The following IL1RAPL1 variants were observed in gnomAD, a reference collection of about 807,000 sequenced individuals.
The protein encoded by IL1RAPL1 is interleukin 1 receptor accessory protein like 1.
IL1RAPL1 carries 3 observed loss-of-function variants against 48.4 expected under a neutral mutation model. That is an observed-to-expected ratio of 0.06 (90% CI 0.03 to 0.16). The LOEUF (loss-of-function observed/expected upper bound fraction) is 0.16, where lower values mean the gene tolerates loss of function less well. Among genes scored for constraint, IL1RAPL1 ranks in the 10% least tolerant of loss-of-function variants. IL1RAPL1 has a pLI of 1.00. For synonymous variants in IL1RAPL1, 185 were observed against 187.7 expected (o/e 0.99, Z 0.12); for missense variants, 349 against 530.6 (o/e 0.66, Z 3.36).
chrX:29,641,596 T>A (rs1430198334), intron 5 of IL1RAPL1, among the ~76,000 whole-genome samples: 1 of 112,173 alleles, frequency 8.9e-6, no homozygotes, highest in Non-Finnish European at 1.9e-5. Flanking sequence ...GACTTTATAA[T>A]CCTGATGTCT....
At chrX:28,767,598 T>C (rs1392144793) in intron 1 of IL1RAPL1, among the ~76,000 whole-genome samples, 2 of 111,117 alleles carry the variant, frequency 1.8e-5, no homozygotes, top group Non-Finnish European at 3.8e-5. Flanking sequence ...ATTTTACATA[T>C]ACACACACAA....
At chrX:29,843,161 G>A (rs1006257201) in intron 6 of IL1RAPL1, among the ~76,000 whole-genome samples, 3 of 111,591 alleles carry the variant, frequency 2.7e-5, no homozygotes, top group Admixed American at 1.9e-4. Context: ...TATGAGTTCC[G>A]TACATTCACT....
intron 5 of IL1RAPL1, among the ~76,000 whole-genome samples, chrX:29,664,919 A>G (rs1236741266): frequency 5.3e-5 from 6 of 112,476 alleles, no homozygotes; most frequent in African/African-American, 1.6e-4. Context: ...TCCTTCTATT[A>G]TGCAGAAGCT....
At chrX:29,414,024 A>G (rs901881825) in intron 5 of IL1RAPL1, among the ~76,000 whole-genome samples, 1 of 110,879 alleles carries the variant, frequency 9.0e-6, no homozygotes, top group African/African-American at 3.3e-5. Flanking sequence ...ATTTTTCTAT[A>G]CTTTTTTTTG....
chrX:29,670,202 G>T (rs1318807286), intron 6 of IL1RAPL1, among the ~76,000 whole-genome samples: 1 of 111,475 alleles, frequency 9.0e-6, no homozygotes, highest in Admixed American at 9.6e-5. Context: ...TTACAAAATA[G>T]AATAATTGGT....
intron 2 of IL1RAPL1, among the ~76,000 whole-genome samples, chrX:29,180,858 A>G (rs1930130084): frequency 9.0e-6 from 1 of 111,605 alleles, no homozygotes; most frequent in Non-Finnish European, 1.9e-5. Context: ...AGATTCCTGT[A>G]TCTTTATCTG....
intron 5 of IL1RAPL1, among the ~76,000 whole-genome samples, chrX:29,621,346 A>T (rs1216617554): frequency 9.0e-6 from 1 of 111,537 alleles, no homozygotes; most frequent in Non-Finnish European, 1.9e-5. Context: ...GATGCAGATG[A>T]GTATATGTAC....
chrX:29,498,561 T>A (rs2147758316), intron 5 of IL1RAPL1, among the ~76,000 whole-genome samples: 1 of 111,778 alleles, frequency 8.9e-6, no homozygotes, highest in Admixed American at 9.5e-5. Context: ...TTTTTTTTTG[T>A]TTTTTAAATT....
chrX:29,051,743 C>T (rs1927097186), intron 2 of IL1RAPL1, among the ~76,000 whole-genome samples: 1 of 112,108 alleles, frequency 8.9e-6, no homozygotes. Context: ...GGAAGTCAGA[C>T]TTCCTGCCAG....
intron 6 of IL1RAPL1, among the ~76,000 whole-genome samples, chrX:29,742,872 C>T (rs1928240431): frequency 9.0e-6 from 1 of 111,043 alleles, no homozygotes; most frequent in Non-Finnish European, 1.9e-5. Flanking sequence ...GGAAGAGTGG[C>T]TGTGGCATGG....
intron 6 of IL1RAPL1, among the ~76,000 whole-genome samples, chrX:29,790,577 ATG>A (rs1929606414): frequency 8.9e-6 from 1 of 112,287 alleles, no homozygotes; most frequent in South Asian, 3.7e-4. Context: ...TGTCCATTAT[ATG>A]TATCTAATAA....
At chrX:29,943,657 C>T (rs1393981392) in intron 9 of IL1RAPL1, among the ~76,000 whole-genome samples, 1 of 112,098 alleles carries the variant, frequency 8.9e-6, no homozygotes, top group East Asian at 2.8e-4. Flanking sequence ...TTTCTATTAA[C>T]CCTGTTTTGA....
intron 6 of IL1RAPL1, among the ~76,000 whole-genome samples, chrX:29,753,954 T>C (rs2147142138): frequency 8.9e-6 from 1 of 112,237 alleles, no homozygotes; most frequent in South Asian, 3.7e-4. Context: ...AACTGTCCTC[T>C]TGAGATGCTG....
At chrX:29,865,538 T>C (rs1359970478) in intron 6 of IL1RAPL1, among the ~76,000 whole-genome samples, 1 of 110,416 alleles carries the variant, frequency 9.1e-6, no homozygotes, top group Non-Finnish European at 1.9e-5. Flanking sequence ...AGAAGTCTCA[T>C]CCCCAGAATA....
intron 2 of IL1RAPL1, among the ~76,000 whole-genome samples, chrX:29,073,626 C>G (rs1218489959): frequency 9.0e-6 from 1 of 111,612 alleles, no homozygotes; most frequent in Non-Finnish European, 1.9e-5. Flanking sequence ...CATATACTGT[C>G]TGATTCTTCA....
At chrX:29,377,993 C>T (rs1228310719) in intron 3 of IL1RAPL1, among the ~76,000 whole-genome samples, 7 of 108,716 alleles carry the variant, frequency 6.4e-5, no homozygotes, top group Non-Finnish European at 1.3e-4. Context: ...CTCAGGAATG[C>T]CATATTGGTC....
At chrX:29,554,121 G>A (rs759653721) in intron 5 of IL1RAPL1, among the ~76,000 whole-genome samples, 1 of 110,007 alleles carries the variant, frequency 9.1e-6, no homozygotes, top group Admixed American at 9.7e-5. Context: ...TGGAGCTCTT[G>A]GGTGGCCTTT....
At chrX:28,878,860 T>C (rs752813947) in intron 2 of IL1RAPL1, among the ~76,000 whole-genome samples, 1 of 111,745 alleles carries the variant, frequency 8.9e-6, no homozygotes, top group South Asian at 3.8e-4. Flanking sequence ...GCACTGCACA[T>C]GATCACTTTA....
Position 29,941,703 on chromosome X carries a change from G to A in IL1RAPL1, c.1110G>A (p.Leu370=), listed in dbSNP as rs1263065907. The change falls in exon 9 of 11, where the codon CTG becomes CTA. Residue 370 remains leucine (L), a synonymous_variant. Transcript: ENST00000378993. ...GAGGCCTTGGTGCTATACTCTTGCT[G>A]CTTGTATGTTTGGTGACCATCTACA... ...LAGGLGAILL[L]LVCLVTIYKC... is the part of the protein sequence containing the mutation. The A allele has an allele frequency of 1.7e-6, 2 of 1,208,203 alleles. No homozygotes were observed. Among genetic ancestry groups the A allele is most frequent in the South Asian group, 1.8e-5 (1 of 56,906 alleles).
Sources: gnomAD v4.1 joint callset for allele counts (sites outside exome capture counted in the v4.1 genomes callset) on GRCh38, gnomAD v4.1.1 for gene constraint, MANE v1.5 for transcripts, NCBI Gene and HGNC (gene_info 2026-07-23, HGNC 2026-07-21) for gene names.